Variants in GOLGA8H observed in about 807,000 individuals in gnomAD.
GOLGA8H encodes golgin subfamily A member 8H.
A neutral mutation model predicts 82.7 loss-of-function variants in GOLGA8H; 47 were observed. That is an observed-to-expected ratio of 0.57 (90% CI 0.45 to 0.73). The LOEUF (loss-of-function observed/expected upper bound fraction) is 0.73. GOLGA8H is among the 30% of genes least tolerant of loss of function. The pLI, the probability that GOLGA8H is intolerant of heterozygous loss-of-function variation, is 0.00. For missense variants in GOLGA8H, 372 were observed against 661.0 expected, an observed-to-expected ratio of 0.56 and a Z score of 4.79; for synonymous variants, 108 against 241.6, an observed-to-expected ratio of 0.45 and a Z score of 5.13.
In GOLGA8H at chr15:30,608,381, G is replaced by T. The variant is rs1364827636; in HGVS notation, c.396+3G>T. 1.3e-6 allele frequency: 2 copies of T among 1,569,884 alleles called. No homozygotes were observed. The highest frequency in any genetic ancestry group is 4.6e-5 in the East Asian group (2 of 43,676). On this transcript the variant is annotated splice_donor_region_variant and intron_variant, in intron 6 of 18. Transcript: ENST00000566740. ...AGAAAGCCAAAAGGGTGCTAGAGGT[G>T]AGTGGAGGGTGTGCAGTTTCCTCCT... is the stretch of plus-strand genomic sequence containing the variant.
intron 14 of GOLGA8H, 62 bp from the exon 15 acceptor site, chr15:30,613,042 G>C: frequency 9.7e-7 from 1 of 1,030,324 alleles, no homozygotes; most frequent in Non-Finnish European, 1.4e-6. Flanking sequence ...TGGAGGTAGA[G>C]GTGGGCCCAC....
Position 30,604,142 on chromosome 15 carries a change from A to C in GOLGA8H, c.17A>C (p.Gln6Pro). The C allele has an allele frequency of 6.7e-7, 1 of 1,498,048 alleles. No homozygotes were observed. The highest frequency in any genetic ancestry group is 2.5e-5 in the East Asian group (1 of 40,700). 92.8% of individuals were successfully genotyped at this position (1,498,048 alleles called of 1,614,324 possible). ...CACCCTGCGATGGCAGAAGAAACTC[A>C]ACACAACAAATTGGCTGCAGCCAAG... MAEET[Q>P]HNKLAAAKKK... Residue 6 changes from glutamine to proline, a missense_variant, in exon 1 of 19, where the codon CAA (glutamine) becomes CCA (proline). Coordinates refer to ENST00000566740, the MANE Select transcript of GOLGA8H (RefSeq NM_001282490.2).
At position 30,614,420 on chromosome 15, in the gene GOLGA8H, A is replaced by G; in HGVS notation, c.1758A>G (p.Gln586=). The change falls in exon 19 of 19, where the codon CAA becomes CAG. Residue 586 remains glutamine, a synonymous_variant. Transcript: ENST00000566740. ...AGGTGAGCCTCACCTCCTCTGCCCA[A>G]GGAGAGGCCAGGGAGGATCCTCTCC... ...LCEVSLTSSA[Q]GEAREDPLLD... 1 of 1,574,186 alleles carries G rather than the reference A, an allele frequency of 6.4e-7. No homozygotes were observed.
chr15:30,609,913 T>G (rs780368312), intron 9 of GOLGA8H, 21 bp downstream of exon 9: 33 of 1,573,888 alleles, frequency 2.1e-5, no homozygotes, highest in African/African-American at 4.1e-5. Context: ...CTGAGGGAGT[T>G]ATGTGGAAGG....
Position 30,609,722 on chromosome 15 carries a change from G to A in GOLGA8H, c.592-84G>A, listed in dbSNP as rs1274679495. 1.5e-5 allele frequency: 23 copies of A among 1,567,694 alleles called. 1 individual carries two copies. In the Admixed American group the frequency reaches 4.1e-4, roughly 28 times the overall value. On this transcript the variant is annotated intron_variant, in intron 8 of 18. Coordinates refer to ENST00000566740, the MANE Select transcript of GOLGA8H (RefSeq NM_001282490.2). ...TCTTTACTGACTGAGTTGTATATTG[G>A]GCCTAGCCCTAGTCCTTTTAAGGGG...
At position 30,609,816 on chromosome 15, in the gene GOLGA8H, G is replaced by C. The variant is rs553387300; in HGVS notation, c.602G>C (p.Arg201Pro). 5.8e-6 allele frequency: 9 copies of C among 1,561,112 alleles called. 1 individual carries two copies. The highest frequency in any genetic ancestry group is 1.8e-5 in the Admixed American group (1 of 54,780). The change falls in exon 9 of 19, where the codon CGC becomes CCC. Residue 201 changes from arginine to proline, a missense_variant. Arg to Pro is a moderately radical substitution (Grantham distance 103). Transcript: ENST00000566740. Reference sequence around the variant, plus strand: ...CTCTTCACCATCCAGTTGTCCAGCCGCAGCAAAGCACGTACGGAGTGGAAG... The same window carrying C: ...CTCTTCACCATCCAGTTGTCCAGCCCCAGCAAAGCACGTACGGAGTGGAAG... Reference protein sequence around the residue: ...QKKKANQLSSRSKARTEWKLE... With the variant: ...QKKKANQLSSPSKARTEWKLE...
At chr15:30,605,731 T>C (rs1447248218) in intron 1 of GOLGA8H, 112 bp from the exon 2 acceptor site, 9 of 1,527,996 alleles carry the variant, frequency 5.9e-6, no homozygotes, top group African/African-American at 2.8e-5. Context: ...GTACGGTTGT[T>C]GGTGTCATTA....
At chr15:30,610,655 A>T in intron 11 of GOLGA8H, 111 bp from the exon 12 acceptor site, 1 of 1,193,330 alleles carries the variant, frequency 8.4e-7, no homozygotes, top group Non-Finnish European at 1.2e-6. Context: ...GGTGCGAGGA[A>T]TCATTAGCAG....
At chr15:30,608,577 C>T (rs1294892354) in intron 7 of GOLGA8H, 26 bp downstream of exon 7, 5 of 1,607,182 alleles carry the variant, frequency 3.1e-6, no homozygotes, top group African/African-American at 1.3e-5. Context: ...CCCTGTCATC[C>T]TTCAACCTGG....
At position 30,610,393 on chromosome 15, in the gene GOLGA8H, A is replaced by T; in HGVS notation, c.874+4A>T. ...TCCAAACTCAAAAACCAGATGGGTA[A>T]GATGGGGCTGGCATGACCTGGGAGC... On this transcript the variant is annotated splice_donor_region_variant and intron_variant, in intron 11 of 18. Transcript: ENST00000566740. 1.1e-6 allele frequency: 1 copy of T among 948,244 alleles called. No individual in the cohort carries two copies. 58.7% of individuals were successfully genotyped at this position (948,244 alleles called of 1,614,324 possible).
At position 30,612,500 on chromosome 15, in the gene GOLGA8H, T is replaced by C. The variant is rs1352527311; in HGVS notation, c.1201-97T>C. The C allele has an allele frequency of 3.0e-5, 39 of 1,299,714 alleles. 6 individuals carry two copies. Among genetic ancestry groups the C allele is most frequent in the Non-Finnish European group, 4.0e-5 (37 of 932,160 alleles). 80.5% of individuals were successfully genotyped at this position (1,299,714 alleles called of 1,614,324 possible). On this transcript the variant is annotated intron_variant, in intron 13 of 18. Transcript: ENST00000566740. ...GGTGGCTGAGATGGCCTGCCAAAAGTTGCAGGAGACCCAGGGGAGGGAGCT... is the reference window on the plus strand; with the variant it reads ...GGTGGCTGAGATGGCCTGCCAAAAGCTGCAGGAGACCCAGGGGAGGGAGCT...
At chr15:30,606,092 C>T (rs929353130) in intron 2 of GOLGA8H, 130 bp downstream of exon 2, 103 of 1,446,620 alleles carry the variant, frequency 7.1e-5, no homozygotes, top group East Asian at 2.8e-4. Flanking sequence ...TGGTGGCCCA[C>T]GCCTGTAATC....
intron 8 of GOLGA8H, 142 bp from the exon 9 acceptor site, chr15:30,609,664 A>C (rs1432387673): frequency 9.0e-6 from 10 of 1,112,560 alleles, no homozygotes; most frequent in South Asian, 1.3e-5. Context: ...GTGTTCTTTT[A>C]AAAACCAGAC....
intron 8 of GOLGA8H, 26 bp downstream of exon 8, chr15:30,608,782 C>G (rs1223894597): frequency 7.2e-7 from 1 of 1,386,830 alleles, no homozygotes; most frequent in South Asian, 1.2e-5. Flanking sequence ...TGCCCCATCC[C>G]CTGGGAGCCT....
chr15:30,609,737 C>A, intron 8 of GOLGA8H, 69 bp from the exon 9 acceptor site: 2 of 1,584,488 alleles, frequency 1.3e-6, no homozygotes, highest in Non-Finnish European at 1.7e-6. Context: ...AGCCCTAGTC[C>A]TTTTAAGGGG....
chr15:30,613,789 TG>T lies in GOLGA8H; in HGVS notation c.1390del (p.Glu464ArgfsTer6). 3 of 1,588,808 alleles carry T rather than the reference TG, an allele frequency of 1.9e-6. No individual in the cohort carries two copies. The highest frequency in any genetic ancestry group is 2.6e-6 in the Non-Finnish European group (3 of 1,173,376). The part of the protein sequence containing the change: ...REAMSSFMDH[L>X]EEKADLSELV... ...CTCCAGAGCAGCTTTATGGACCACC[TG>T]GAGGAGAAGGCAGACCTGAGTGAGC... On this transcript the variant is annotated frameshift_variant, in exon 16 of 19. Transcript: ENST00000566740. LOFTEE classifies it high-confidence loss of function.
intron 8 of GOLGA8H, among the ~76,000 whole-genome samples, 188 bp from the exon 9 acceptor site, chr15:30,609,618 A>C (rs1457081631): frequency 6.6e-6 from 1 of 151,570 alleles, no homozygotes. Flanking sequence ...GCCAGCTATA[A>C]ATTCAATCTC....
In GOLGA8H at chr15:30,610,079, G is replaced by T. The variant is rs757720038; in HGVS notation, c.759G>T (p.Gln253His). ...EHLKGERARWQQRMRKMSQEI... is the reference protein window; with the variant it reads ...EHLKGERARWHQRMRKMSQEI... ...TAAAAGGAGAGAGGGCCCGGTGGCA[G>T]CAGAGGATGAGAAAAATGTCGCAGG... Residue 253 changes from glutamine (Q) to histidine (H), a missense_variant, in exon 10 of 19, where the codon CAG becomes CAT. Physicochemically the swap from Gln to His is conservative, Grantham distance 24. Coordinates refer to ENST00000566740, the MANE Select transcript of GOLGA8H (RefSeq NM_001282490.2). 42 of 1,611,164 alleles carry T rather than the reference G, an allele frequency of 2.6e-5. No homozygotes were observed. The highest frequency in any genetic ancestry group is 1.3e-4 in the East Asian group (6 of 44,802).
chr15:30,604,317 T>A (rs1310994325), intron 1 of GOLGA8H, 144 bp downstream of exon 1: 24 of 1,514,410 alleles, frequency 1.6e-5, no homozygotes, highest in Non-Finnish European at 2.0e-5. Context: ...CCCATCAAAG[T>A]TTTGTCAGTC....
Sources: gnomAD v4.1 joint callset for allele counts (sites outside exome capture counted in the v4.1 genomes callset) on GRCh38, gnomAD v4.1.1 for gene constraint, MANE v1.5 for transcripts, NCBI Gene and HGNC (gene_info 2026-07-23, HGNC 2026-07-21) for gene names.